Variants in PPOX observed in about 807,000 individuals in gnomAD.
The protein encoded by PPOX is variegate porphyria.
In PPOX, 23 loss-of-function variants were observed where a neutral mutation model predicts 54.1. The ratio of observed to expected loss-of-function variants is 0.43; its 90% confidence interval spans 0.31 to 0.60. PPOX has a LOEUF of 0.60. PPOX is among the 20% of genes least tolerant of loss of function. The probability of loss-of-function intolerance (pLI) is 0.13; values close to 1 mark genes in which losing one functional copy is unlikely to be tolerated. For missense variants in PPOX, 512 were observed against 601.1 expected, an observed-to-expected ratio of 0.85 and a Z score of 1.55; for synonymous variants, 224 against 236.1, an observed-to-expected ratio of 0.95 and a Z score of 0.47.
chr1:161,168,939 C>T, intron 6 of PPOX, 54 bp from the exon 7 acceptor site: 1 of 1,600,550 alleles, frequency 6.2e-7, no homozygotes, highest in Non-Finnish European at 8.5e-7. Flanking sequence ...GCTGGGATTA[C>T]AGGTGTGAGC....
intron 9 of PPOX, 89 bp from the exon 10 acceptor site, chr1:161,170,320 G>GGGGGGGGGGCCCCCCC: frequency 1.0e-5 from 5 of 494,774 alleles, no homozygotes; most frequent in Admixed American, 2.4e-5. Context: ...GTGAGACTCT[G>GGGGGGGGGGCCCCCCC]TCCCCCCCAC....
intron 1 of PPOX, 80 bp from the exon 2 acceptor site, chr1:161,166,760 G>A: frequency 6.3e-7 from 1 of 1,589,800 alleles, no homozygotes; most frequent in Non-Finnish European, 8.5e-7. Flanking sequence ...GAGTGGCCGG[G>A]ATAGAACTCA....
chr1:161,167,847 G>A, intron 4 of PPOX, 148 bp from the exon 5 acceptor site: 3 of 1,301,150 alleles, frequency 2.3e-6, no homozygotes, highest in Admixed American at 1.8e-5. Flanking sequence ...ACAGGCGTGA[G>A]CCACCACGCC....
At chr1:161,170,575 A>G (rs1459677004) in intron 10 of PPOX, 45 bp from the exon 11 acceptor site, 2 of 1,614,172 alleles carry the variant, frequency 1.2e-6, no homozygotes, top group East Asian at 2.2e-5. Context: ...TCTGTGCTCC[A>G]TTGTAGGCAA....
chr1:161,175,966 C>T (rs745448974), downstream of PPOX: 40 of 1,613,990 alleles, frequency 2.5e-5, no homozygotes, highest in African/African-American at 2.7e-5. Context: ...ACTGAGACTT[C>T]GGAAGCCCCC....
rs1660393323 is a variant in PPOX, at chr1:161,169,543, TAC to T, written c.808-113_808-112del. The T allele has an allele frequency of 1.7e-5, 18 of 1,062,160 alleles. No individual in the cohort carries two copies. The South Asian group carries it at 2.0e-4, about 12-fold the overall frequency. 65.8% of individuals were successfully genotyped at this position (1,062,160 alleles called of 1,614,324 possible). A position where few individuals can be genotyped will look rare whatever the true frequency, so the allele number is the denominator to read the frequency against. The stretch of plus-strand genomic sequence containing the variant: ...ACCCAATCTCTTCATCCTGGGTCAG[TAC>T]ACAGTCTCCCCGGCCACATGGGTGC... On this transcript the variant is annotated intron_variant, in intron 7 of 12. Coordinates refer to ENST00000367999, the MANE Select transcript of PPOX (RefSeq NM_001122764.3).
In PPOX at chr1:161,168,419, T is replaced by C. The variant is rs1205958352; in HGVS notation, c.472-13T>C. 7 of 1,613,294 alleles carry C rather than the reference T, an allele frequency of 4.3e-6. No individual in the cohort carries two copies. Among genetic ancestry groups the C allele is most frequent in the Non-Finnish European group, 5.1e-6 (6 of 1,179,790 alleles). ...TTATTTTTTCGCTCCTTAGTCCTAG[T>C]CTCACCCTTAAGGTGGCGTCTCTAG... On this transcript the variant is annotated splice_polypyrimidine_tract_variant and intron_variant, in intron 5 of 12. Transcript: ENST00000367999.
downstream of PPOX, chr1:161,171,894 C>G: frequency 2.5e-6 from 4 of 1,614,198 alleles, no homozygotes; most frequent in Non-Finnish European, 3.4e-6. Flanking sequence ...GTTGCAGCAT[C>G]TCTTGACGGA....
chr1:161,166,693 G>C lies in PPOX; in HGVS notation c.-9+21G>C, dbSNP rs1367680383. On this transcript the variant is annotated intron_variant, in intron 1 of 12. Transcript: ENST00000367999. The stretch of plus-strand genomic sequence containing the variant: ...TGTGGGTGAGTCCTGGCCCCTGGAC[G>C]GGGACCTCGCTGTTCCACCAGCCCA... The C allele has an allele frequency of 3.4e-5, 51 of 1,521,970 alleles. 1 individual carries two copies. In the South Asian group the frequency reaches 6.1e-4, roughly 18 times the overall value. The allele number at this position is 1,521,970 out of a possible 1,614,324, so 94.3% of individuals were successfully genotyped here.
downstream of PPOX, chr1:161,177,924 G>C (rs1664141896): frequency 1.3e-5 from 2 of 152,146 alleles, no homozygotes; most frequent in Admixed American, 1.3e-4. Flanking sequence ...ACAGCGTTGC[G>C]GACCGCTCTA....
At position 161,170,510 on chromosome 1, in the gene PPOX, CAG is replaced by C. The variant is rs1571406458; in HGVS notation, c.1092_1093del (p.Arg364SerfsTer16). 1.2e-6 allele frequency: 2 copies of C among 1,614,224 alleles called. No homozygotes were observed. The highest frequency in any genetic ancestry group is 1.7e-6 in the Non-Finnish European group (2 of 1,180,022). Reference protein sequence around the residue: ...PEQDGSPPGLRVTVMLGGSWL... With the variant: ...PEQDGSPPGLXVTVMLGGSWL... The stretch of plus-strand genomic sequence containing the variant: ...AGCAGGACGGGAGCCCCCCTGGCCT[CAG>C]AGTGACTGTGAGGAGGAGGAAACTT... On this transcript the variant is annotated frameshift_variant, in exon 10 of 13. Transcript: ENST00000367999. LOFTEE classifies it high-confidence loss of function.
downstream of PPOX, chr1:161,174,126 G>C: frequency 1.3e-6 from 2 of 1,488,676 alleles, no homozygotes; most frequent in Non-Finnish European, 1.8e-6. Flanking sequence ...TAAAAGTGAA[G>C]GCCGGGCGCG....
At position 161,166,940 on chromosome 1, in the gene PPOX, T is replaced by G. The variant is rs781524382; in HGVS notation, c.87+6T>G. 6.2e-7 allele frequency: 1 copy of G among 1,613,768 alleles called. No homozygotes were observed. The highest frequency in any genetic ancestry group is 8.5e-7 in the Non-Finnish European group (1 of 1,179,852). On this transcript the variant is annotated splice_donor_region_variant and intron_variant, in intron 2 of 12. Transcript: ENST00000367999. ...GGGCCCCCTGCCCCCCTAAGGTGAG[T>G]GCTCCACTTGTGCCAGAGGGAGCTT...
At chr1:161,171,675 T>A, downstream of PPOX, 1 of 1,217,960 alleles carries the variant, frequency 8.2e-7, no homozygotes, top group Non-Finnish European at 1.1e-6. Context: ...AGTCCAGCAG[T>A]GAGGGAGAGG....
downstream of PPOX, chr1:161,176,104 A>C: frequency 6.2e-7 from 1 of 1,608,430 alleles, no homozygotes; most frequent in Non-Finnish European, 8.5e-7. Context: ...TTCTGGGGGT[A>C]GGCAGGAAGA....
downstream of PPOX, chr1:161,173,686 G>A (rs779173986): frequency 6.8e-6 from 11 of 1,614,064 alleles, no homozygotes; most frequent in Non-Finnish European, 9.3e-6. Context: ...CTGGTCAGGA[G>A]TAAGTGCTGA....
downstream of PPOX, chr1:161,175,157 C>T: frequency 6.2e-7 from 1 of 1,613,894 alleles, no homozygotes; most frequent in Non-Finnish European, 8.5e-7. Context: ...CCCCCTGGTT[C>T]TACCCGGGGA....
intron 6 of PPOX, 139 bp downstream of exon 6, chr1:161,168,715 T>C (rs960591800): frequency 8.3e-7 from 1 of 1,202,320 alleles, no homozygotes; most frequent in African/African-American, 1.5e-5. Flanking sequence ...TGGAGTGCAG[T>C]GGTGCAATCT....
At chr1:161,174,978 G>A, downstream of PPOX, 1 of 1,610,646 alleles carries the variant, frequency 6.2e-7, no homozygotes, top group Non-Finnish European at 8.5e-7. Context: ...AAAATGAGGT[G>A]GAGATTGGGG....
Sources: allele counts gnomAD v4.1 joint callset, GRCh38; gene constraint gnomAD v4.1.1; transcripts MANE v1.5; gene names NCBI Gene and HGNC (gene_info 2026-07-23, HGNC 2026-07-21).